The following MSI2 variants were observed in gnomAD, a reference collection of about 807,000 sequenced individuals.
MSI2 encodes the protein RNA-binding protein Musashi homolog 2.
MSI2 carries 17 observed loss-of-function variants against 45.6 expected under a neutral mutation model. The ratio of observed to expected loss-of-function variants is 0.37; its 90% CI spans 0.26 to 0.56. MSI2 has a LOEUF of 0.56. MSI2 is among the 20% of genes least tolerant of loss of function. The pLI is 0.77. For missense variants in MSI2, 293 were observed against 444.2 expected (o/e 0.66, Z 3.06); for synonymous variants, 156 against 158.2 (o/e 0.99, Z 0.11).
chr17:57,471,296 T>C (rs2085432286), intron 6 of MSI2, among the ~76,000 whole-genome samples: 1 of 142,632 alleles, frequency 7.0e-6, no homozygotes, highest in Admixed American at 7.0e-5. Flanking sequence ...TTTTTTTTTT[T>C]TTTTTTTTTT....
In MSI2 at chr17:57,681,155, C is replaced by T. The variant is rs1382011436; in HGVS notation, c.*1638C>T. 1 of 186,050 alleles carries T rather than the reference C, an allele frequency of 5.4e-6. No individual in the cohort carries two copies. Among genetic ancestry groups the T allele is most frequent in the Non-Finnish European group, 1.1e-5 (1 of 88,128 alleles). The allele number at this position is 186,050 out of a possible 1,614,324, so 11.5% of individuals were successfully genotyped here. Reference sequence around the variant, plus strand: ...ACTGGTGGGAAAAACTGACAGTTTCCTCTTTGCACATGTTTAACATTTGGC... The same window carrying T: ...ACTGGTGGGAAAAACTGACAGTTTCTTCTTTGCACATGTTTAACATTTGGC... On this transcript the variant is annotated 3_prime_UTR_variant, in exon 14 of 14. Coordinates refer to ENST00000284073, the MANE Select transcript of MSI2 (RefSeq NM_138962.4).
At chr17:57,403,941 A>C (rs1490623199) in intron 6 of MSI2, among the ~76,000 whole-genome samples, 1 of 147,354 alleles carries the variant, frequency 6.8e-6, no homozygotes, top group South Asian at 2.1e-4. Flanking sequence ...GTGCACACAC[A>C]CACACACACA....
chr17:57,436,288 G>A (rs2143425174), intron 6 of MSI2, among the ~76,000 whole-genome samples: 1 of 152,294 alleles, frequency 6.6e-6, no homozygotes, highest in Admixed American at 6.5e-5. Flanking sequence ...GGCAGTGAGG[G>A]TTAAATGAGA....
At chr17:57,532,770 G>A (rs755386607) in intron 7 of MSI2, among the ~76,000 whole-genome samples, 2 of 152,216 alleles carry the variant, frequency 1.3e-5, no homozygotes, top group Non-Finnish European at 2.9e-5. Flanking sequence ...ACATCTCCCT[G>A]GCTGGCGCCG....
intron 7 of MSI2, among the ~76,000 whole-genome samples, chr17:57,532,584 G>A (rs2086843683): frequency 6.6e-6 from 1 of 152,208 alleles, no homozygotes; most frequent in Non-Finnish European, 1.5e-5. Context: ...CATATATATG[G>A]AGCGAGCCGG....
chr17:57,421,438 A>G (rs1237394956), intron 6 of MSI2, among the ~76,000 whole-genome samples: 1 of 152,102 alleles, frequency 6.6e-6, no homozygotes, highest in African/African-American at 2.4e-5. Context: ...GTTTTTCCTG[A>G]AGGTGGCAAC....
chr17:57,504,656 C>T (rs2086188426), intron 6 of MSI2, among the ~76,000 whole-genome samples: 1 of 152,142 alleles, frequency 6.6e-6, no homozygotes, highest in South Asian at 2.1e-4. Context: ...AGTGGCTGGG[C>T]GCAGTGGCTC....
intron 6 of MSI2, chr17:57,448,090 C>T (rs894880098): frequency 1.3e-5 from 2 of 152,204 alleles, no homozygotes; most frequent in African/African-American, 4.8e-5. Context: ...CTGTGTGCCG[C>T]TTCCACACTG....
Position 57,287,493 on chromosome 17 carries a change from C to T in MSI2, c.312+25301C>T, listed in dbSNP as rs546317205. 9.9e-5 allele frequency among the ~76,000 whole-genome samples: 15 copies of T among 152,268 alleles called. 1 individual carries two copies. The South Asian group carries it at 2.7e-3, about 27-fold the overall frequency. On this transcript the variant is annotated intron_variant, in intron 5 of 13. Transcript: ENST00000284073. The stretch of plus-strand genomic sequence containing the variant: ...ACCATCCTAACTTGTTGCTCAGTCG[C>T]GGAGTCTTGCATGTTGACTCTCCTG...
At chr17:57,474,082 T>C (rs1184166401) in intron 6 of MSI2, among the ~76,000 whole-genome samples, 5 of 152,116 alleles carry the variant, frequency 3.3e-5, no homozygotes, top group Non-Finnish European at 5.9e-5. Flanking sequence ...TGAGGGGATA[T>C]AGGAACTCTC....
intron 5 of MSI2, among the ~76,000 whole-genome samples, chr17:57,333,786 A>C (rs1286192576): frequency 2.3e-5 from 3 of 132,114 alleles, no homozygotes; most frequent in Non-Finnish European, 4.6e-5. Flanking sequence ...ATTTTAAATA[A>C]GAAAGGGAAA....
At chr17:57,387,540 A>G (rs1263147609) in intron 5 of MSI2, among the ~76,000 whole-genome samples, 1 of 152,186 alleles carries the variant, frequency 6.6e-6, no homozygotes, top group Non-Finnish European at 1.5e-5. Context: ...GGAGCTACCT[A>G]GGTTAAGGCA....
intron 5 of MSI2, among the ~76,000 whole-genome samples, chr17:57,396,624 G>A (rs2083895649): frequency 6.6e-6 from 1 of 152,194 alleles, no homozygotes. Context: ...CAGTTCTTAC[G>A]TGTAAACAGC....
At chr17:57,637,153 C>T (rs1310865633) in intron 10 of MSI2, among the ~76,000 whole-genome samples, 1 of 152,218 alleles carries the variant, frequency 6.6e-6, no homozygotes, top group Non-Finnish European at 1.5e-5. Context: ...GGCCAGCCCA[C>T]TCCTGCGCCA....
intron 6 of MSI2, chr17:57,444,797 G>C (rs1421977845): frequency 1.3e-5 from 2 of 152,252 alleles, no homozygotes; most frequent in Non-Finnish European, 2.9e-5. Flanking sequence ...GAAAGCCCGG[G>C]GTTGGCGGGG....
intron 7 of MSI2, among the ~76,000 whole-genome samples, chr17:57,575,413 G>C (rs563180499): frequency 1.3e-5 from 2 of 152,324 alleles, no homozygotes; most frequent in African/African-American, 4.8e-5. Flanking sequence ...TCTCCTGTTT[G>C]ACCTTTCAGT....
intron 12 of MSI2, among the ~76,000 whole-genome samples, chr17:57,676,220 ACACT>A (rs758596630): frequency 4.6e-4 from 70 of 152,174 alleles, no homozygotes; most frequent in African/African-American, 6.8e-4. Context: ...CCTCATACAC[ACACT>A]CACACGCACG....
At chr17:57,608,668 T>C (rs755548524) in intron 8 of MSI2, among the ~76,000 whole-genome samples, 3 of 152,250 alleles carry the variant, frequency 2.0e-5, no homozygotes, top group Non-Finnish European at 4.4e-5. Flanking sequence ...TCATTGTTGG[T>C]CAAAGGACCC....
Position 57,652,149 on chromosome 17 carries a change from G to A in MSI2, c.778G>A (p.Ala260Thr). The change falls in exon 11 of 14, where the codon GCA becomes ACA. Residue 260 changes from alanine (A) to threonine (T), a missense_variant. Ala to Thr is a moderately conservative substitution (Grantham distance 58). Coordinates refer to ENST00000284073, the MANE Select transcript of MSI2 (RefSeq NM_138962.4). This position sits in a 1 kb window ranked among gnomAD's most constrained non-coding sequence, Gnocchi z 4.1. ...GPVAAAAVAA[A>T]RGSGSNPARP... ...AGTGGCAGCAGCGGCGGTGGCGGCA[G>A]CAAGAGGATCAGGTAGGAAGGTGTA... 6.2e-7 allele frequency: 1 copy of A among 1,614,064 alleles called. No individual in the cohort carries two copies. Among genetic ancestry groups the A allele is most frequent in the Non-Finnish European group, 8.5e-7 (1 of 1,179,986 alleles).
Sources: allele counts gnomAD v4.1 joint callset (sites outside exome capture counted in the v4.1 genomes callset), GRCh38; gene constraint gnomAD v4.1.1; non-coding constraint Gnocchi (gnomAD v3.1); transcripts MANE v1.5; gene names NCBI Gene and HGNC (gene_info 2026-07-23, HGNC 2026-07-21).